RAB40B: variants seen among roughly 807,000 people sequenced by gnomAD.
RAB40B encodes the protein ras-related protein Rab-40B.
In RAB40B, 21 loss-of-function variants were observed where a neutral mutation model predicts 24.0. That is an observed-to-expected ratio of 0.88 (90% CI 0.62 to 1.26). The LOEUF (loss-of-function observed/expected upper bound fraction) is 1.26. RAB40B is among the 50% of genes most tolerant of loss of function. RAB40B has a pLI of 0.00. For synonymous variants in RAB40B, 167 were observed against 169.8 expected (o/e 0.98, Z 0.13); for missense variants, 348 against 390.5 (o/e 0.89, Z 0.92).
intron 2 of RAB40B, among the ~76,000 whole-genome samples, chr17:82,661,428 G>T (rs2046171204): frequency 6.6e-6 from 1 of 152,168 alleles, no homozygotes; most frequent in Admixed American, 6.5e-5. Context: ...TGCTCTTCCA[G>T]TTCAACTGTA....
intron 2 of RAB40B, chr17:82,662,107 A>G: frequency 1.0e-6 from 1 of 985,290 alleles, no homozygotes; most frequent in Non-Finnish European, 1.2e-6. Flanking sequence ...GGGACGCGGC[A>G]TGGTTTTGCT....
rs528984209 is a variant in RAB40B at position 82,665,904 on chromosome 17, A to C, written c.143-1348T>G. On this transcript the variant is annotated intron_variant, in intron 1 of 5. Transcript: ENST00000571995. ...AAGAACAACAACAAAAAAAAAAAAA[A>C]AAAAAAAAAACTACACTTAAAAAAA... Among the ~76,000 whole-genome samples, 272 of 151,118 alleles carry C rather than the reference A, an allele frequency of 1.8e-3. 1 individual carries two copies. The highest frequency in any genetic ancestry group is 6.2e-3 in the African/African-American group (257 of 41,260).
Position 82,676,581 on chromosome 17 carries a change from A to AC in RAB40B, c.143-12026dup, listed in dbSNP as rs2046397051. 2.0e-5 allele frequency among the ~76,000 whole-genome samples: 3 copies of AC among 151,512 alleles called. No individual in the cohort carries two copies. The South Asian group carries it at 6.3e-4, about 32-fold the overall frequency. The stretch of plus-strand genomic sequence containing the variant: ...TCGGATGGGTCCTGTTTTGAGGCTT[A>AC]CCCCCGCCAGTTTGACATCTCTGCT... On this transcript the variant is annotated intron_variant, in intron 1 of 5. Transcript: ENST00000571995.
At chr17:82,696,471 C>A (rs555944269) in intron 1 of RAB40B, 1 of 154,846 alleles carries the variant, frequency 6.5e-6, no homozygotes, top group South Asian at 1.8e-4. Flanking sequence ...TCTGGGCGTA[C>A]ACGTTGTTGG....
chr17:82,669,476 A>C (rs1189153339), intron 1 of RAB40B, among the ~76,000 whole-genome samples: 2 of 152,040 alleles, frequency 1.3e-5, no homozygotes, highest in African/African-American at 4.8e-5. Flanking sequence ...ACTCTGTCTC[A>C]AAAAAATAAA....
chr17:82,680,854 A>AC (rs2046441780), intron 1 of RAB40B, among the ~76,000 whole-genome samples: 1 of 151,896 alleles, frequency 6.6e-6, no homozygotes, highest in South Asian at 2.1e-4. Flanking sequence ...ACATGGTGAA[A>AC]CCCCGTCTCT....
At chr17:82,658,305 C>G in intron 5 of RAB40B, 171 bp from the exon 6 acceptor site, 1 of 1,076,782 alleles carries the variant, frequency 9.3e-7, no homozygotes, top group South Asian at 1.6e-5. Context: ...CGTACAGATC[C>G]CAGGAGCTCC....
At chr17:82,687,074 GC>G (rs202083767) in intron 1 of RAB40B, among the ~76,000 whole-genome samples, 1,542 of 152,058 alleles carry the variant, frequency 0.01, 89 homozygotes, top group Admixed American at 0.091. Flanking sequence ...TTGTCTGTGG[GC>G]CCCCCCACAC....
intron 4 of RAB40B, chr17:82,659,036 C>T (rs534778213): frequency 2.2e-5 from 7 of 316,314 alleles, no homozygotes; most frequent in South Asian, 2.2e-4. Context: ...CTGGCACCGC[C>T]GAGAGCTGGG....
At position 82,696,993 on chromosome 17, in the gene RAB40B, G is replaced by A. The variant is rs118045907; in HGVS notation, c.142+1462C>T. The A allele has an allele frequency of 6.5e-3, 994 of 152,940 alleles. 5 individuals carry two copies. The highest frequency in any genetic ancestry group is 0.014 in the Middle Eastern group (4 of 296). 9.5% of individuals were successfully genotyped at this position (152,940 alleles called of 1,614,324 possible). On this transcript the variant is annotated intron_variant, in intron 1 of 5. Transcript: ENST00000571995. ...GAGCGGGGAGGGGGGTAGGACATGC[G>A]GGGGCAGCGGCGCCTGGGGACAGGT...
At position 82,675,332 on chromosome 17, in the gene RAB40B, C is replaced by T. The variant is rs2143512294; in HGVS notation, c.143-10776G>A. On this transcript the variant is annotated intron_variant, in intron 1 of 5. Coordinates refer to ENST00000571995, the MANE Select transcript of RAB40B (RefSeq NM_006822.3). The surrounding 1 kb of genome is among the most constrained non-coding windows in gnomAD (Gnocchi z 4.5). Reference sequence around the variant, plus strand: ...TGCATAACCCACACCCACAACCTGCCCTGGCAAATGACCAGCTTTGAAAGG... The same window carrying T: ...TGCATAACCCACACCCACAACCTGCTCTGGCAAATGACCAGCTTTGAAAGG... Among the ~76,000 whole-genome samples, 1 of 152,314 alleles carries T rather than the reference C, an allele frequency of 6.6e-6. No homozygotes were observed. The highest frequency in any genetic ancestry group is 6.5e-5 in the Admixed American group (1 of 15,296).
chr17:82,691,507 G>A (rs2046557410), intron 1 of RAB40B, among the ~76,000 whole-genome samples: 1 of 152,048 alleles, frequency 6.6e-6, no homozygotes, highest in African/African-American at 2.4e-5. Context: ...CCAACATGGT[G>A]AAACCCCCAT....
chr17:82,694,472 C>G (rs567932752), intron 1 of RAB40B, among the ~76,000 whole-genome samples: 14 of 151,570 alleles, frequency 9.2e-5, no homozygotes, highest in Non-Finnish European at 1.8e-4. Context: ...GTGGAGGTTG[C>G]AGTGAGGTGA....
chr17:82,687,148 G>A (rs926756681), intron 1 of RAB40B, among the ~76,000 whole-genome samples: 3 of 151,526 alleles, frequency 2.0e-5, no homozygotes, highest in African/African-American at 4.9e-5. Flanking sequence ...AAACCAACAC[G>A]ACGCAATTTG....
At chr17:82,658,773 G>A (rs578213424) in intron 4 of RAB40B, 60 bp from the exon 5 acceptor site, 27 of 1,466,558 alleles carry the variant, frequency 1.8e-5, no homozygotes, top group Middle Eastern at 1.9e-4. Flanking sequence ...TGTTGTCGTC[G>A]TAATGTGGGT....
At chr17:82,685,891 C>T (rs2046495026) in intron 1 of RAB40B, among the ~76,000 whole-genome samples, 1 of 151,938 alleles carries the variant, frequency 6.6e-6, no homozygotes, top group Non-Finnish European at 1.5e-5. Flanking sequence ...GCAACCTCCA[C>T]CTCCTGGATT....
intron 1 of RAB40B, among the ~76,000 whole-genome samples, chr17:82,680,315 C>G (rs955825003): frequency 2.0e-5 from 3 of 152,178 alleles, no homozygotes; most frequent in African/African-American, 7.2e-5. Context: ...CAGGCAGGAG[C>G]CCCACCCACC....
intron 1 of RAB40B, among the ~76,000 whole-genome samples, chr17:82,688,110 T>C (rs2046520279): frequency 1.3e-5 from 2 of 152,060 alleles, no homozygotes; most frequent in African/African-American, 4.8e-5. Context: ...CATTTCATGG[T>C]GCTGAGCGTC....
At chr17:82,696,574 T>C (rs2046611790) in intron 1 of RAB40B, 1 of 167,476 alleles carries the variant, frequency 6.0e-6, no homozygotes, top group South Asian at 1.0e-4. Flanking sequence ...CTCCAGGCGC[T>C]CAATCTCCAG....
Sources: allele counts gnomAD v4.1 joint callset (sites outside exome capture counted in the v4.1 genomes callset), GRCh38; gene constraint gnomAD v4.1.1; non-coding constraint Gnocchi (gnomAD v3.1); transcripts MANE v1.5; gene names NCBI Gene and HGNC (gene_info 2026-07-23, HGNC 2026-07-21).